The following MCM8 variants were observed in gnomAD, a reference collection of about 807,000 sequenced individuals.
MCM8 encodes the protein minichromosome maintenance 8 homologous recombination repair factor.
Under a neutral mutation model 98.9 loss-of-function variants are expected in MCM8, and 85 were observed. That is an observed-to-expected ratio of 0.86 (90% CI 0.72 to 1.03). MCM8 has a LOEUF of 1.03. Ranked by LOEUF, MCM8 falls within the 50% of genes least tolerant of loss-of-function variation. MCM8 has a pLI of 0.00. For missense variants in MCM8, 951 were observed against 997.8 expected (o/e 0.95, Z 0.63); for synonymous variants, 352 against 338.6 (o/e 1.04, Z -0.44).
intron 5 of MCM8, among the ~76,000 whole-genome samples, chr20:5,956,166 C>T (rs1225512199): frequency 6.6e-6 from 1 of 152,098 alleles, no homozygotes; most frequent in African/African-American, 2.4e-5. Context: ...TTCAGAGGGG[C>T]ATTCTTCTAC....
At chr20:5,951,874 A>G (rs2088834956) in intron 1 of MCM8, 137 bp from the exon 2 acceptor site, 1 of 924,972 alleles carries the variant, frequency 1.1e-6, no homozygotes, top group African/African-American at 1.7e-5. Context: ...CTTGTATCAT[A>G]GCTGTACAAC....
intron 18 of MCM8, 164 bp downstream of exon 18, chr20:5,993,859 C>CT (rs1379820521): frequency 3.8e-6 from 2 of 532,516 alleles, no homozygotes; most frequent in Middle Eastern, 5.2e-4. Context: ...AAGACAGTCT[C>CT]TATGTTTTTC....
At chr20:5,979,214 C>T (rs2089579738) in intron 13 of MCM8, among the ~76,000 whole-genome samples, 1 of 152,148 alleles carries the variant, frequency 6.6e-6, no homozygotes, top group African/African-American at 2.4e-5. Context: ...TTCCAGGCCA[C>T]TTTACTTCAT....
chr20:5,983,773 C>G (rs946521311), intron 14 of MCM8, among the ~76,000 whole-genome samples: 2 of 152,070 alleles, frequency 1.3e-5, no homozygotes, highest in African/African-American at 4.8e-5. Flanking sequence ...GTGTGTTGAT[C>G]ACAATTCTAA....
chr20:5,952,296 G>A lies in MCM8; in HGVS notation c.149-128G>A, dbSNP rs8118140. ...ACTCCTTAGTAAGTATTTGAACATT[G>A]ATGTCCCAGATTTTTACTAAAACCC... On this transcript the variant is annotated intron_variant, in intron 2 of 18. Coordinates refer to ENST00000610722, the MANE Select transcript of MCM8 (RefSeq NM_032485.6). 34 of 1,553,182 alleles carry A rather than the reference G, an allele frequency of 2.2e-5. No individual in the cohort carries two copies. The African/African-American group carries it at 4.0e-4, about 18-fold the overall frequency.
At chr20:5,967,710 C>A in intron 9 of MCM8, 120 bp from the exon 10 acceptor site, 1 of 1,366,638 alleles carries the variant, frequency 7.3e-7, no homozygotes, top group South Asian at 1.5e-5. Flanking sequence ...TAAGATGAAA[C>A]ATTCCCTTTT....
chr20:5,984,849 A>G lies in MCM8; in HGVS notation c.1802A>G (p.His601Arg), dbSNP rs768687295. ...CTGTTAGATACTCCAAATGAGCATCATGATCACTTACTCTCTGAACATGTG... is the reference window on the plus strand; with the variant it reads ...CTGTTAGATACTCCAAATGAGCATCGTGATCACTTACTCTCTGAACATGTG... ...FILLDTPNEH[H>R]DHLLSEHVIA... Residue 601 changes from histidine to arginine, a missense_variant, in exon 15 of 19, where the codon CAT (histidine) becomes CGT (arginine). Transcript: ENST00000610722. 4 of 1,614,032 alleles carry G rather than the reference A, an allele frequency of 2.5e-6. No individual in the cohort carries two copies. In the East Asian group the frequency reaches 8.9e-5, roughly 36 times the overall value.
rs1237209217 is a variant in MCM8 at position 5,995,749 on chromosome 20, ACTAT to A, written c.*1360_*1363del. ...CAAATGTTACAGGGTTGCCAGCCAA[ACTAT>A]CAATCATGTATAAATCCAACAAACA... is the stretch of plus-strand genomic sequence containing the variant. On this transcript the variant is annotated 3_prime_UTR_variant, in exon 19 of 19. Transcript: ENST00000610722. 1.3e-5 allele frequency: 2 copies of A among 152,222 alleles called. No homozygotes were observed. The highest frequency in any genetic ancestry group is 4.8e-5 in the African/African-American group (2 of 41,454). 9.4% of individuals were successfully genotyped at this position (152,222 alleles called of 1,614,324 possible).
rs1555791183 is a variant in MCM8 at position 5,994,478 on chromosome 20, G to GACAGACACACACAC, written c.*90_*91insGACACACACACACA. 4 of 384,458 alleles carry GACAGACACACACAC rather than the reference G, an allele frequency of 1.0e-5. No homozygotes were observed. The highest frequency in any genetic ancestry group is 4.6e-5 in the African/African-American group (2 of 43,270). 23.8% of individuals were successfully genotyped at this position (384,458 alleles called of 1,614,324 possible). ...ATATGCGTGCACGCACAGACAGACA[G>GACAGACACACACAC]ACACACACACACACACACACACACA... On this transcript the variant is annotated 3_prime_UTR_variant, in exon 19 of 19. Transcript: ENST00000610722.
At chr20:5,973,253 C>G in intron 12 of MCM8, 57 bp downstream of exon 12, 1 of 1,598,224 alleles carries the variant, frequency 6.3e-7, no homozygotes, top group South Asian at 1.1e-5. Context: ...GTTAATAATT[C>G]ACAAGTGAAT....
chr20:5,987,122 C>G (rs549169114), intron 16 of MCM8, among the ~76,000 whole-genome samples, 160 bp from the exon 17 acceptor site: 2 of 152,206 alleles, frequency 1.3e-5, no homozygotes, highest in African/African-American at 2.4e-5. Context: ...CCACCACCCC[C>G]AGCCCAGAGA....
At chr20:5,983,216 C>G (rs1164456500) in intron 14 of MCM8, 51 bp downstream of exon 14, 1 of 1,428,920 alleles carries the variant, frequency 7.0e-7, no homozygotes, top group African/African-American at 1.5e-5. Context: ...CACTTTAATT[C>G]AATAAGAAAA....
At chr20:5,962,733 C>T (rs1011055747) in intron 7 of MCM8, among the ~76,000 whole-genome samples, 1 of 152,150 alleles carries the variant, frequency 6.6e-6, no homozygotes, top group African/African-American at 2.4e-5. Context: ...AATATTGTTG[C>T]AATCATATTT....
At chr20:5,951,975 G>A in intron 1 of MCM8, 36 bp from the exon 2 acceptor site, 2 of 1,576,210 alleles carry the variant, frequency 1.3e-6, no homozygotes, top group African/African-American at 1.4e-5. Context: ...TTTCCTTACA[G>A]TTTTGGTGAA....
intron 10 of MCM8, among the ~76,000 whole-genome samples, chr20:5,968,642 A>C (rs1394453384): frequency 2.0e-5 from 3 of 152,264 alleles, no homozygotes; most frequent in African/African-American, 7.2e-5. Context: ...CTTTTGTGCT[A>C]CAGTGGCAGA....
At chr20:5,957,278 G>C (rs1193406774) in intron 6 of MCM8, 49 bp downstream of exon 6, 2 of 1,393,912 alleles carry the variant, frequency 1.4e-6, no homozygotes, top group African/African-American at 1.5e-5. Flanking sequence ...GACATTGAAG[G>C]CCATTTAAGA....
chr20:5,992,936 T>C (rs1048916082), intron 17 of MCM8, among the ~76,000 whole-genome samples: 4 of 152,222 alleles, frequency 2.6e-5, no homozygotes, highest in Non-Finnish European at 1.5e-5. Flanking sequence ...TTTCAGACTT[T>C]AGCTAAAATT....
At chr20:5,978,107 G>T in intron 13 of MCM8, 90 bp downstream of exon 13, 3 of 1,459,442 alleles carry the variant, frequency 2.1e-6, no homozygotes, top group Non-Finnish European at 1.9e-6. Flanking sequence ...CTGTTTAAGA[G>T]AAACATTTAG....
chr20:5,952,369 A>G, intron 2 of MCM8, 55 bp from the exon 3 acceptor site: 1 of 1,589,860 alleles, frequency 6.3e-7, no homozygotes. Context: ...AAAGAGAAGC[A>G]TATTGGAAAA....
Sources: allele counts gnomAD v4.1 joint callset (sites outside exome capture counted in the v4.1 genomes callset), GRCh38; gene constraint gnomAD v4.1.1; transcripts MANE v1.5; gene names NCBI Gene and HGNC (gene_info 2026-07-23, HGNC 2026-07-21).